The following ASIC2 variants were observed in gnomAD, a reference collection of about 807,000 sequenced individuals.
ASIC2 encodes acid sensing ion channel subunit 2, also known as acid-sensing ion channel 2.
ASIC2 carries 25 observed loss-of-function variants against 57.3 expected under a neutral mutation model. The ratio of observed to expected loss-of-function variants is 0.44; its 90% CI spans 0.32 to 0.61. The LOEUF (loss-of-function observed/expected upper bound fraction) is 0.61, where lower values mean the gene tolerates loss of function less well. Ranked by LOEUF, ASIC2 falls within the 20% of genes least tolerant of loss-of-function variation. The pLI is 0.06. For synonymous variants in ASIC2, 319 were observed against 307.5 expected (o/e 1.04, Z -0.39); for missense variants, 641 against 738.1 (o/e 0.87, Z 1.52).
intron 1 of ASIC2, among the ~76,000 whole-genome samples, chr17:34,105,391 T>C (rs1911008545): frequency 6.6e-6 from 1 of 151,826 alleles, no homozygotes; most frequent in South Asian, 2.1e-4. Flanking sequence ...TGTATTAATC[T>C]TTCCAAAAGC....
At chr17:33,867,105 T>A (rs889928353) in intron 1 of ASIC2, among the ~76,000 whole-genome samples, 2 of 152,236 alleles carry the variant, frequency 1.3e-5, no homozygotes, top group African/African-American at 4.8e-5. Flanking sequence ...GCAGAAGTTC[T>A]GCAATGGAGA....
At chr17:33,667,592 G>A (rs747664187) in intron 1 of ASIC2, among the ~76,000 whole-genome samples, 3 of 152,178 alleles carry the variant, frequency 2.0e-5, no homozygotes, top group Admixed American at 6.5e-5. Flanking sequence ...TTCTGGCTCT[G>A]TTGCTTATTA....
intron 1 of ASIC2, among the ~76,000 whole-genome samples, chr17:33,723,355 G>T (rs887034373): frequency 6.6e-6 from 1 of 152,032 alleles, no homozygotes; most frequent in African/African-American, 2.4e-5. Flanking sequence ...TTGATACAGA[G>T]TCTTGCTCTG....
chr17:34,034,696 CAAGCATTCTT>C (rs979997161), intron 1 of ASIC2, among the ~76,000 whole-genome samples: 79 of 152,256 alleles, frequency 5.2e-4, no homozygotes, highest in African/African-American at 1.5e-3. Flanking sequence ...ACAAAAGTCA[CAAGCATTCTT>C]ATACACCAAT....
rs147832128 is a variant in ASIC2 at position 33,173,187 on chromosome 17, G to A, written c.709-61120C>T. Among the ~76,000 whole-genome samples the A allele has an allele frequency of 9.6e-3, 1,459 of 152,268 alleles. 12 individuals are homozygous for A. The highest frequency in any genetic ancestry group is 0.014 in the Non-Finnish European group (944 of 68,016). On this transcript the variant is annotated intron_variant, in intron 1 of 9. Coordinates refer to ENST00000225823, the MANE Select transcript of ASIC2 (RefSeq NM_183377.2). ...ATGAGGCAGACTCCCGAGTCTGATC[G>A]TATAGAGAGTGAGGGGGATCCAGGT...
At chr17:33,584,672 A>T (rs1403313437) in intron 1 of ASIC2, among the ~76,000 whole-genome samples, 1 of 139,936 alleles carries the variant, frequency 7.1e-6, no homozygotes, top group African/African-American at 2.8e-5. Context: ...GTGGCAGGAG[A>T]TCCATCTAAG....
intron 1 of ASIC2, among the ~76,000 whole-genome samples, chr17:33,423,355 G>A (rs937686453): frequency 6.6e-6 from 1 of 152,060 alleles, no homozygotes; most frequent in African/African-American, 2.4e-5. Context: ...CAGTGACTGG[G>A]GAACTACAGG....
intron 1 of ASIC2, among the ~76,000 whole-genome samples, chr17:33,417,292 G>T (rs1910879436): frequency 6.6e-6 from 1 of 152,040 alleles, no homozygotes; most frequent in African/African-American, 2.4e-5. Flanking sequence ...TTAAAACCCT[G>T]CCAGAACACG....
intron 1 of ASIC2, among the ~76,000 whole-genome samples, chr17:33,357,959 T>TG (rs1175683253): frequency 6.6e-6 from 1 of 152,168 alleles, no homozygotes; most frequent in Non-Finnish European, 1.5e-5. Flanking sequence ...CCTACTGAAA[T>TG]GGAGTCCTTG....
chr17:33,214,346 T>C (rs1167186901), intron 1 of ASIC2, among the ~76,000 whole-genome samples: 2 of 152,184 alleles, frequency 1.3e-5, no homozygotes, highest in African/African-American at 2.4e-5. Flanking sequence ...GCTGATGGCC[T>C]GAAGGCTGAC....
intron 1 of ASIC2, among the ~76,000 whole-genome samples, chr17:33,424,538 T>C (rs966540754): frequency 1.8e-4 from 27 of 152,164 alleles, no homozygotes; most frequent in African/African-American, 6.3e-4. Context: ...GCACATTGGG[T>C]AGCCTGAAAA....
At chr17:33,105,197 T>C (rs558553768) in intron 2 of ASIC2, among the ~76,000 whole-genome samples, 2 of 152,314 alleles carry the variant, frequency 1.3e-5, no homozygotes, top group South Asian at 4.1e-4. Context: ...CATATTGAAC[T>C]GTAGCTCCCA....
At chr17:33,018,506 A>G (rs1159071296) in intron 7 of ASIC2, among the ~76,000 whole-genome samples, 4 of 152,204 alleles carry the variant, frequency 2.6e-5, no homozygotes, top group Non-Finnish European at 5.9e-5. Flanking sequence ...TGCAAAATGT[A>G]TGTGTGCCTG....
intron 1 of ASIC2, among the ~76,000 whole-genome samples, chr17:33,755,502 C>G (rs1419918766): frequency 6.6e-6 from 1 of 152,068 alleles, no homozygotes; most frequent in Non-Finnish European, 1.5e-5. Context: ...TCACTAAGCT[C>G]ATAGGCTTAT....
Position 33,873,166 on chromosome 17 carries a change from C to T in ASIC2, c.555+282812G>A, listed in dbSNP as rs146472904. 1.1e-4 allele frequency among the ~76,000 whole-genome samples: 17 copies of T among 152,314 alleles called. 1 individual carries two copies. In the East Asian group the frequency reaches 2.7e-3, roughly 24 times the overall value. On this transcript the variant is annotated intron_variant, in intron 1 of 9. Coordinates refer to the ASIC2 transcript ENST00000359872. ...AAACTCTTTGCTCTCCATTTTCCTT[C>T]AATACATTCTTTTTTTGGCTAAACT...
intron 1 of ASIC2, among the ~76,000 whole-genome samples, chr17:33,664,033 C>A (rs1327114821): frequency 6.6e-6 from 1 of 152,182 alleles, no homozygotes; most frequent in African/African-American, 2.4e-5. Flanking sequence ...CAAGCACCTC[C>A]TTTGAAATGC....
intron 1 of ASIC2, among the ~76,000 whole-genome samples, chr17:33,923,371 A>G (rs1915750859): frequency 6.6e-6 from 1 of 152,188 alleles, no homozygotes; most frequent in African/African-American, 2.4e-5. Context: ...CTTATGAACT[A>G]ATATTGTTGG....
chr17:33,051,068 C>T (rs2091973477), intron 3 of ASIC2, among the ~76,000 whole-genome samples: 1 of 152,086 alleles, frequency 6.6e-6, no homozygotes, highest in Admixed American at 6.6e-5. Context: ...CAAGGTACCC[C>T]TCCTTGTCTA....
intron 1 of ASIC2, among the ~76,000 whole-genome samples, chr17:33,742,708 C>G (rs905354690): frequency 6.6e-6 from 1 of 152,178 alleles, no homozygotes; most frequent in African/African-American, 2.4e-5. Flanking sequence ...ACATAGCTCT[C>G]CCCAGGCATA....
Sources: allele counts gnomAD v4.1 joint callset (sites outside exome capture counted in the v4.1 genomes callset), GRCh38; gene constraint gnomAD v4.1.1; transcripts MANE v1.5; gene names NCBI Gene and HGNC (gene_info 2026-07-23, HGNC 2026-07-21).